The following HPSE2 variants were observed in gnomAD, a reference collection of about 807,000 sequenced individuals.
The protein encoded by HPSE2 is inactive heparanase-2.
A neutral mutation model predicts 60.5 loss-of-function variants in HPSE2; 38 were observed. The observed-to-expected ratio is 0.63, with a 90% CI of 0.48 to 0.82. HPSE2 has a LOEUF of 0.82. Ranked by LOEUF, HPSE2 falls within the 40% of genes least tolerant of loss-of-function variation. The pLI is 0.00. For missense variants in HPSE2, 713 were observed against 740.4 expected (o/e 0.96, Z 0.43); for synonymous variants, 295 against 293.2 (o/e 1.01, Z -0.06).
intron 4 of HPSE2, among the ~76,000 whole-genome samples, chr10:98,727,516 T>C (rs1033102818): frequency 1.3e-5 from 2 of 152,070 alleles, no homozygotes; most frequent in African/African-American, 4.8e-5. Flanking sequence ...CTGGGCATGG[T>C]GGTATGCGCC....
chr10:99,076,879 G>A (rs1027819784), intron 3 of HPSE2, among the ~76,000 whole-genome samples: 2 of 152,066 alleles, frequency 1.3e-5, no homozygotes, highest in African/African-American at 2.4e-5. Context: ...CCTTTAATAA[G>A]TCTTTTAAGG....
In HPSE2 at chr10:99,026,831, T is replaced by C. The variant is rs112546889; in HGVS notation, c.610+117407A>G. 1.8e-3 allele frequency among the ~76,000 whole-genome samples: 276 copies of C among 152,214 alleles called. 1 individual carries two copies. The highest frequency in any genetic ancestry group is 6.5e-3 in the African/African-American group (272 of 41,542). ...AGGAGAAGAATAATTTTGGAAACTG[T>C]ATAAATACATGGAAATTAAACAATA... On this transcript the variant is annotated intron_variant, in intron 3 of 11. Transcript: ENST00000370552.
At chr10:98,898,645 A>G (rs555746129) in intron 3 of HPSE2, among the ~76,000 whole-genome samples, 1 of 152,300 alleles carries the variant, frequency 6.6e-6, no homozygotes. Flanking sequence ...TTATAGCAGT[A>G]GGTACATGAC....
chr10:99,167,301 G>A (rs954205381), intron 2 of HPSE2, among the ~76,000 whole-genome samples: 4 of 152,086 alleles, frequency 2.6e-5, no homozygotes, highest in African/African-American at 9.7e-5. Context: ...GAGCCACCGT[G>A]CCCGGCCCAT....
At chr10:99,019,699 C>T (rs1286844676) in intron 3 of HPSE2, among the ~76,000 whole-genome samples, 1 of 150,254 alleles carries the variant, frequency 6.7e-6, no homozygotes, top group African/African-American at 2.5e-5. Flanking sequence ...CAAAGAAGCA[C>T]TATTTAGTTT....
At chr10:98,529,351 C>T (rs1379601316) in intron 9 of HPSE2, among the ~76,000 whole-genome samples, 1 of 152,180 alleles carries the variant, frequency 6.6e-6, no homozygotes, top group Non-Finnish European at 1.5e-5. Context: ...TCTATCGACA[C>T]TTAAAATGCA....
At chr10:98,768,380 C>T (rs1161088189) in intron 3 of HPSE2, among the ~76,000 whole-genome samples, 1 of 152,152 alleles carries the variant, frequency 6.6e-6, no homozygotes, top group Non-Finnish European at 1.5e-5. Context: ...GGGCAGGAGA[C>T]TCTTGCTTTT....
chr10:98,571,681 T>C (rs370086702), intron 9 of HPSE2, among the ~76,000 whole-genome samples: 1 of 152,192 alleles, frequency 6.6e-6, no homozygotes, highest in South Asian at 2.1e-4. Context: ...CATGGACTAC[T>C]GATGTATTTC....
chr10:98,953,264 G>A (rs1209631684), intron 3 of HPSE2, among the ~76,000 whole-genome samples: 1 of 152,108 alleles, frequency 6.6e-6, no homozygotes, highest in Non-Finnish European at 1.5e-5. Flanking sequence ...TGTTCTCCTC[G>A]GTGCAGGGGT....
intron 7 of HPSE2, among the ~76,000 whole-genome samples, chr10:98,623,665 A>G (rs971572514): frequency 2.0e-5 from 3 of 152,182 alleles, no homozygotes; most frequent in African/African-American, 7.2e-5. Flanking sequence ...CTTGGACTTC[A>G]ATATCTTCAT....
intron 9 of HPSE2, among the ~76,000 whole-genome samples, chr10:98,604,073 T>C (rs1471221041): frequency 6.6e-6 from 1 of 152,152 alleles, no homozygotes; most frequent in East Asian, 1.9e-4. Flanking sequence ...CAATTGTTCT[T>C]TTTACCTGAT....
At chr10:98,655,189 GGAAT>G (rs1388997254) in intron 6 of HPSE2, among the ~76,000 whole-genome samples, 1 of 151,856 alleles carries the variant, frequency 6.6e-6, no homozygotes, top group African/African-American at 2.4e-5. Flanking sequence ...TAGAGTGTGG[GGAAT>G]GCCCTTTCTC....
chr10:98,955,387 G>T (rs1275788596), intron 3 of HPSE2, among the ~76,000 whole-genome samples: 4 of 152,108 alleles, frequency 2.6e-5, no homozygotes, highest in African/African-American at 9.7e-5. Context: ...TTAGAGAAAT[G>T]CAAATCAAAA....
intron 3 of HPSE2, among the ~76,000 whole-genome samples, chr10:98,788,635 T>A (rs1410488258): frequency 1.3e-5 from 2 of 152,196 alleles, no homozygotes; most frequent in African/African-American, 4.8e-5. Flanking sequence ...AGGTGTGGGA[T>A]ATCGTCTCGT....
intron 3 of HPSE2, among the ~76,000 whole-genome samples, chr10:98,751,129 C>T (rs561571311): frequency 2.0e-5 from 3 of 152,124 alleles, no homozygotes; most frequent in African/African-American, 7.2e-5. Flanking sequence ...GTTTTTGTTA[C>T]GTATTTCCCT....
At chr10:99,258,390 A>AATATATATAT in the HPSE2 span, among the ~76,000 whole-genome samples, 11 of 147,666 alleles carry the variant, frequency 7.4e-5, no homozygotes, top group Non-Finnish European at 1.4e-4. Context: ...TAAATGGAGT[A>AATATATATAT]ATATATATAT....
chr10:99,159,016 G>C (rs955055436), intron 2 of HPSE2, among the ~76,000 whole-genome samples: 1 of 152,016 alleles, frequency 6.6e-6, no homozygotes, highest in African/African-American at 2.4e-5. Flanking sequence ...AGTGCTTAGA[G>C]AGAAATTTTT....
At chr10:98,997,053 A>T (rs1454201057) in intron 3 of HPSE2, among the ~76,000 whole-genome samples, 1 of 148,808 alleles carries the variant, frequency 6.7e-6, no homozygotes, top group Non-Finnish European at 1.5e-5. Flanking sequence ...TTAAGTATGT[A>T]TTTATTCCTT....
At chr10:99,079,796 G>T (rs987373855) in intron 3 of HPSE2, among the ~76,000 whole-genome samples, 11 of 151,944 alleles carry the variant, frequency 7.2e-5, no homozygotes, top group African/African-American at 2.2e-4. Flanking sequence ...GGGCTATAGT[G>T]ACACTCAGTC....
Sources: gnomAD v4.1 joint callset for allele counts (sites outside exome capture counted in the v4.1 genomes callset) on GRCh38, gnomAD v4.1.1 for gene constraint, MANE v1.5 for transcripts, NCBI Gene and HGNC (gene_info 2026-07-23, HGNC 2026-07-21) for gene names.